Variants in CATSPERB observed in about 807,000 individuals in gnomAD.
CATSPERB encodes the protein catsper channel auxiliary subunit beta.
CATSPERB carries 93 observed loss-of-function variants against 128.3 expected under a neutral mutation model. The ratio of observed to expected loss-of-function variants is 0.72; its 90% CI spans 0.61 to 0.86. CATSPERB has a LOEUF of 0.86. Ranked by LOEUF, CATSPERB falls within the 40% of genes least tolerant of loss-of-function variation. The pLI, the probability that CATSPERB is intolerant of heterozygous loss-of-function variation, is 0.00. For missense variants in CATSPERB, 1,153 were observed against 1,329.5 expected (o/e 0.87, Z 2.06); for synonymous variants, 381 against 448.8 (o/e 0.85, Z 1.91).
intron 1 of CATSPERB, among the ~76,000 whole-genome samples, chr14:91,730,704 T>C (rs999502023): frequency 4.6e-5 from 7 of 152,194 alleles, no homozygotes; most frequent in African/African-American, 1.2e-4. Flanking sequence ...CAACTCTAAG[T>C]GGAATAAAAT....
At chr14:91,729,565 A>C (rs1896179424) in intron 1 of CATSPERB, 86 bp from the exon 2 acceptor site, 3 of 637,736 alleles carry the variant, frequency 4.7e-6, no homozygotes, top group Non-Finnish European at 8.0e-6. Flanking sequence ...CAAAGTAGTA[A>C]AGAAATAATC....
intron 15 of CATSPERB, among the ~76,000 whole-genome samples, chr14:91,654,329 C>A (rs1283029800): frequency 6.6e-6 from 1 of 152,150 alleles, no homozygotes; most frequent in Admixed American, 6.5e-5. Context: ...CAGGACTTGG[C>A]TCTTGTGTGG....
Position 91,591,966 on chromosome 14 carries a change from T to C in CATSPERB, c.2746A>G (p.Thr916Ala), listed in dbSNP as rs1893413350. 2.5e-6 allele frequency: 4 copies of C among 1,613,902 alleles called. No individual in the cohort carries two copies. Among genetic ancestry groups the C allele is most frequent in the African/African-American group, 2.7e-5 (2 of 74,920 alleles). Residue 916 changes from threonine (T) to alanine (A), a missense_variant, in exon 23 of 27, where the codon ACT becomes GCT. Coordinates refer to ENST00000256343, the MANE Select transcript of CATSPERB (RefSeq NM_024764.4). ...GKFKQCANVS[T>A]REECNCTKDQ... Reference sequence around the variant, plus strand: ...TTTGTGCAGTTACACTCCTCCCGAGTGGAAACATTAGCACACTGTTTGAAT... The same window carrying C: ...TTTGTGCAGTTACACTCCTCCCGAGCGGAAACATTAGCACACTGTTTGAAT...
Position 91,616,472 on chromosome 14 carries a change from T to TAAAA in CATSPERB, c.2400+1121_2400+1124dup, listed in dbSNP as rs561919362. Among the ~76,000 whole-genome samples the TAAAA allele has an allele frequency of 1.9e-4, 29 of 151,134 alleles. 1 individual carries two copies. The highest frequency in any genetic ancestry group is 6.5e-4 in the African/African-American group (27 of 41,312). On this transcript the variant is annotated intron_variant, in intron 20 of 26. Transcript: ENST00000256343. ...TCATGCCCTGGTAATTGTCCACTGC[T>TAAAA]AAAAAAAAATGACTTGTAAATTTAT...
chr14:91,592,303 A>C, intron 22 of CATSPERB: 2 of 375,726 alleles, frequency 5.3e-6, no homozygotes, highest in South Asian at 2.7e-5. Context: ...GGACTACCAA[A>C]CTAACTGCTC....
chr14:91,616,993 C>T (rs1893951907), intron 20 of CATSPERB, among the ~76,000 whole-genome samples: 1 of 152,130 alleles, frequency 6.6e-6, no homozygotes, highest in African/African-American at 2.4e-5. Flanking sequence ...ATCCACCCGC[C>T]TTGGCCTCCC....
chr14:91,617,451 A>G (rs1038498477), intron 20 of CATSPERB, 146 bp downstream of exon 20: 12 of 473,742 alleles, frequency 2.5e-5, no homozygotes, highest in African/African-American at 2.2e-4. Flanking sequence ...ACTTTCTTCA[A>G]TGTATTTATC....
rs571517691 is a variant in CATSPERB at position 91,701,877 on chromosome 14, T to C, written c.616+2675A>G. ...AGTGAGCCATGATTGTGCCTCTGCA[T>C]TCCAGCCTGGGCAACAGAGAGAGAC... On this transcript the variant is annotated intron_variant, in intron 7 of 26. Coordinates refer to ENST00000256343, the MANE Select transcript of CATSPERB (RefSeq NM_024764.4). 3.6e-4 allele frequency among the ~76,000 whole-genome samples: 53 copies of C among 148,942 alleles called. No individual in the cohort carries two copies. The South Asian group carries it at 0.011, about 32-fold the overall frequency.
At chr14:91,652,346 T>G (rs903208388) in intron 15 of CATSPERB, among the ~76,000 whole-genome samples, 3 of 152,034 alleles carry the variant, frequency 2.0e-5, no homozygotes, top group African/African-American at 4.8e-5. Context: ...TTATTACTCA[T>G]GCAAACTAAA....
At chr14:91,618,117 TC>T (rs888060370) in intron 19 of CATSPERB, among the ~76,000 whole-genome samples, 3 of 152,204 alleles carry the variant, frequency 2.0e-5, no homozygotes, top group Non-Finnish European at 4.4e-5. Flanking sequence ...TATTCATGCC[TC>T]CCCTTTTTAG....
intron 10 of CATSPERB, among the ~76,000 whole-genome samples, chr14:91,685,992 C>T (rs1278515892): frequency 6.6e-6 from 1 of 152,108 alleles, no homozygotes; most frequent in Non-Finnish European, 1.5e-5. Flanking sequence ...TATCTCATGC[C>T]AAATCCCTAA....
At chr14:91,648,906 G>A (rs1304095817) in intron 15 of CATSPERB, among the ~76,000 whole-genome samples, 1 of 151,394 alleles carries the variant, frequency 6.6e-6, no homozygotes, top group African/African-American at 2.4e-5. Context: ...CTGCTTCAAG[G>A]CCGCTCACCC....
intron 15 of CATSPERB, among the ~76,000 whole-genome samples, chr14:91,649,858 C>T (rs60598636): frequency 0.18 from 27,750 of 151,072 alleles, 2,729 homozygotes; most frequent in South Asian, 0.23. Context: ...TTCTGAGAGA[C>T]TCTCACTGTG....
At chr14:91,619,423 T>C (rs1382514157) in intron 19 of CATSPERB, among the ~76,000 whole-genome samples, 4 of 152,146 alleles carry the variant, frequency 2.6e-5, no homozygotes, top group Admixed American at 1.3e-4. Flanking sequence ...GGGTTTCAGA[T>C]AGAAGGAAGG....
At chr14:91,609,201 T>A (rs1470987051) in intron 21 of CATSPERB, among the ~76,000 whole-genome samples, 1 of 145,628 alleles carries the variant, frequency 6.9e-6, no homozygotes, top group African/African-American at 2.5e-5. Context: ...GAAATTCACC[T>A]TTTTTTTTTT....
intron 17 of CATSPERB, among the ~76,000 whole-genome samples, chr14:91,627,392 C>A (rs1284816184): frequency 1.3e-5 from 2 of 152,134 alleles, no homozygotes; most frequent in African/African-American, 4.8e-5. Flanking sequence ...GAGACCCTGA[C>A]AATTATACTG....
At chr14:91,603,101 A>C (rs768938794) in intron 22 of CATSPERB, 4 of 786,926 alleles carry the variant, frequency 5.1e-6, no homozygotes, top group Non-Finnish European at 9.4e-6. Context: ...TCTTGGCATC[A>C]TCTCTCTTGG....
intron 4 of CATSPERB, among the ~76,000 whole-genome samples, chr14:91,721,059 T>C (rs1441569000): frequency 6.6e-6 from 1 of 152,092 alleles, no homozygotes; most frequent in Non-Finnish European, 1.5e-5. Flanking sequence ...TTATCTCACA[T>C]CAAATACAAA....
intron 14 of CATSPERB, among the ~76,000 whole-genome samples, chr14:91,662,693 C>G (rs1342830271): frequency 6.6e-6 from 1 of 152,180 alleles, no homozygotes; most frequent in South Asian, 2.1e-4. Flanking sequence ...TCGTGTTGAC[C>G]TACACTTTCA....
Sources: allele counts gnomAD v4.1 joint callset (sites outside exome capture counted in the v4.1 genomes callset), GRCh38; gene constraint gnomAD v4.1.1; transcripts MANE v1.5; gene names NCBI Gene and HGNC (gene_info 2026-07-23, HGNC 2026-07-21).